SLC24A2: variants seen among roughly 807,000 people sequenced by gnomAD.
The protein encoded by SLC24A2 is solute carrier family 24 member 2.
In SLC24A2, 36 loss-of-function variants were observed where a neutral mutation model predicts 62.0. The observed-to-expected ratio is 0.58, with a 90% CI of 0.44 to 0.77. SLC24A2 has a LOEUF of 0.77. Among genes scored for constraint, SLC24A2 ranks in the 30% least tolerant of loss-of-function variants. The pLI is 0.00. For synonymous variants in SLC24A2, 358 were observed against 294.0 expected, an observed-to-expected ratio of 1.22 and a Z score of -2.23; for missense variants, 846 against 817.9, an observed-to-expected ratio of 1.03 and a Z score of -0.42.
chr9:19,999,563 T>C, the SLC24A2 span, among the ~76,000 whole-genome samples: 1 of 152,318 alleles, frequency 6.6e-6, no homozygotes, highest in South Asian at 2.1e-4. Flanking sequence ...TTCATCCTCA[T>C]GGCAATGAGC....
chr9:19,934,920 G>C, the SLC24A2 span, among the ~76,000 whole-genome samples: 1 of 152,098 alleles, frequency 6.6e-6, no homozygotes, highest in East Asian at 1.9e-4. The surrounding 1 kb of genome is among the most constrained non-coding windows in gnomAD (Gnocchi z 4.1). Flanking sequence ...AGAGCTGGCA[G>C]GGGTCTCATG....
the SLC24A2 span, among the ~76,000 whole-genome samples, chr9:19,863,003 AAC>A: frequency 6.6e-6 from 1 of 152,018 alleles, no homozygotes; most frequent in South Asian, 2.1e-4. Context: ...TACTACAAGA[AAC>A]ACACTTCACC....
the SLC24A2 span, among the ~76,000 whole-genome samples, chr9:20,163,650 C>A: frequency 1.3e-5 from 2 of 152,080 alleles, no homozygotes; most frequent in Non-Finnish European, 2.9e-5. Flanking sequence ...TCATATGGAA[C>A]CACAAAAGAG....
At chr9:20,137,475 CT>C in the SLC24A2 span, among the ~76,000 whole-genome samples, 1 of 152,110 alleles carries the variant, frequency 6.6e-6, no homozygotes, top group African/African-American at 2.4e-5. Context: ...CACATCAAAT[CT>C]TTATAGTTTT....
chr9:20,288,180 T>TGGGAAG, the SLC24A2 span, among the ~76,000 whole-genome samples: 1 of 152,170 alleles, frequency 6.6e-6, no homozygotes, highest in Non-Finnish European at 1.5e-5. Flanking sequence ...GCTCATCACC[T>TGGGAAG]GGGCAGGGGC....
At chr9:19,826,871 T>A in the SLC24A2 span, among the ~76,000 whole-genome samples, 1 of 152,302 alleles carries the variant, frequency 6.6e-6, no homozygotes, top group Non-Finnish European at 1.5e-5. Context: ...CACCTTGGAA[T>A]GTGGTCTCCA....
At chr9:20,101,031 G>A in the SLC24A2 span, among the ~76,000 whole-genome samples, 6 of 152,146 alleles carry the variant, frequency 3.9e-5, no homozygotes, top group Admixed American at 1.3e-4. Context: ...AGAATTTTGC[G>A]GAAACCCTGC....
chr9:20,190,473 A>C, the SLC24A2 span, among the ~76,000 whole-genome samples: 3 of 152,232 alleles, frequency 2.0e-5, no homozygotes, highest in African/African-American at 7.2e-5. Context: ...AAGCGATGTA[A>C]TAAGGGAAGT....
the SLC24A2 span, among the ~76,000 whole-genome samples, chr9:20,195,510 T>C: frequency 6.6e-6 from 1 of 152,208 alleles, no homozygotes. Context: ...AAATCTTTAG[T>C]CTGTTTTTTA....
the SLC24A2 span, among the ~76,000 whole-genome samples, chr9:19,976,661 G>A: frequency 5.3e-5 from 8 of 152,250 alleles, no homozygotes; most frequent in South Asian, 2.1e-4. Flanking sequence ...ATGACTTAAC[G>A]TATAGAGAAG....
the SLC24A2 span, among the ~76,000 whole-genome samples, chr9:20,281,452 C>T: frequency 2.0e-5 from 3 of 152,174 alleles, no homozygotes; most frequent in Admixed American, 6.5e-5. Context: ...ACCAGCACCT[C>T]AGAAACTTCC....
intron 2 of SLC24A2, among the ~76,000 whole-genome samples, chr9:19,718,956 T>G (rs1300726846): frequency 6.6e-6 from 1 of 152,172 alleles, no homozygotes; most frequent in Non-Finnish European, 1.5e-5. Context: ...TTTCAAACTA[T>G]TTGAGAAAGA....
the SLC24A2 span, among the ~76,000 whole-genome samples, chr9:19,846,745 G>A: frequency 6.6e-6 from 1 of 152,000 alleles, no homozygotes; most frequent in Admixed American, 6.6e-5. Flanking sequence ...GCAGATCTGG[G>A]GCTGGGCACA....
chr9:20,196,133 G>T, the SLC24A2 span, among the ~76,000 whole-genome samples: 2 of 152,220 alleles, frequency 1.3e-5, no homozygotes, highest in Non-Finnish European at 2.9e-5. Flanking sequence ...ACCATGAACA[G>T]TTAATGGAAG....
At chr9:19,825,392 A>G in the SLC24A2 span, among the ~76,000 whole-genome samples, 17 of 152,150 alleles carry the variant, frequency 1.1e-4, no homozygotes, top group Non-Finnish European at 2.1e-4. Context: ...GTGGGGAACA[A>G]TGGGTCCCAT....
intron 2 of SLC24A2, among the ~76,000 whole-genome samples, chr9:19,695,031 G>A (rs937607877): frequency 2.1e-5 from 3 of 143,566 alleles, no homozygotes; most frequent in African/African-American, 7.5e-5. Flanking sequence ...AAAAAGGCCG[G>A]CCAGCCATAT....
chr9:19,728,007 G>C (rs1343591790), intron 2 of SLC24A2, among the ~76,000 whole-genome samples: 1 of 152,158 alleles, frequency 6.6e-6, no homozygotes, highest in Admixed American at 6.6e-5. Context: ...CTTTTCAAGT[G>C]AAATGGCTGA....
At chr9:20,288,475 T>C in the SLC24A2 span, among the ~76,000 whole-genome samples, 6 of 151,872 alleles carry the variant, frequency 4.0e-5, no homozygotes, top group African/African-American at 1.5e-4. Context: ...AACTATAGAA[T>C]ACAGTGGAAA....
the SLC24A2 span, among the ~76,000 whole-genome samples, chr9:20,301,881 C>T: frequency 5.3e-5 from 8 of 152,052 alleles, no homozygotes; most frequent in Non-Finnish European, 8.8e-5. Context: ...GCCCTAAAAC[C>T]CCTCTGTACT....
Sources: allele counts gnomAD v4.1 joint callset (sites outside exome capture counted in the v4.1 genomes callset), GRCh38; gene constraint gnomAD v4.1.1; non-coding constraint Gnocchi (gnomAD v3.1); transcripts MANE v1.5; gene names NCBI Gene and HGNC (gene_info 2026-07-23, HGNC 2026-07-21).